XKR9: variants seen among roughly 807,000 people sequenced by gnomAD.
The protein encoded by XKR9 is XK related 9.
Under a neutral mutation model 32.0 loss-of-function variants are expected in XKR9, and 32 were observed. That is an observed-to-expected ratio of 1.00 (90% CI 0.76 to 1.34). The LOEUF is 1.34. Ranked by LOEUF, XKR9 falls within the 40% of genes most tolerant of loss-of-function variation. The pLI is 0.00. For synonymous variants in XKR9, 168 were observed against 143.4 expected (o/e 1.17, Z -1.22); for missense variants, 546 against 429.7 (o/e 1.27, Z -2.39).
chr8:71,021,913 C>G, the XKR9 span, among the ~76,000 whole-genome samples: 1 of 152,202 alleles, frequency 6.6e-6, no homozygotes, highest in Non-Finnish European at 1.5e-5. Context: ...TTTCCCAAGG[C>G]CAATGCCCAG....
chr8:70,755,923 A>G (rs1007109398), intron 2 of XKR9, among the ~76,000 whole-genome samples: 1 of 152,106 alleles, frequency 6.6e-6, no homozygotes, highest in Non-Finnish European at 1.5e-5. Flanking sequence ...TAATAATTAA[A>G]AAAAAGATTT....
At chr8:71,006,110 A>G in the XKR9 span, among the ~76,000 whole-genome samples, 1 of 152,366 alleles carries the variant, frequency 6.6e-6, no homozygotes, top group South Asian at 2.1e-4. Context: ...AGGCCAAATA[A>G]TTAATATGAA....
the XKR9 span, among the ~76,000 whole-genome samples, chr8:70,964,927 G>C: frequency 2.0e-5 from 3 of 152,092 alleles, no homozygotes; most frequent in Non-Finnish European, 1.5e-5. Flanking sequence ...CTTCCTATTT[G>C]AATACCTTTA....
chr8:70,882,292 A>G, the XKR9 span, among the ~76,000 whole-genome samples: 1 of 151,966 alleles, frequency 6.6e-6, no homozygotes, highest in Non-Finnish European at 1.5e-5. Context: ...ACTTTTATTT[A>G]CAAAAATATT....
the XKR9 span, among the ~76,000 whole-genome samples, chr8:70,896,957 C>T: frequency 1.3e-5 from 2 of 151,996 alleles, no homozygotes; most frequent in Admixed American, 6.6e-5. Flanking sequence ...GTTTTGCGAG[C>T]AAATACTAAA....
intron 3 of XKR9, among the ~76,000 whole-genome samples, chr8:70,691,938 A>G (rs1359515512): frequency 1.3e-5 from 2 of 151,856 alleles, no homozygotes; most frequent in African/African-American, 4.8e-5. Context: ...AATTTTTTCT[A>G]GTTTTGTGAG....
chr8:70,672,845 G>A (rs1026398020), intron 1 of XKR9, among the ~76,000 whole-genome samples: 1 of 152,026 alleles, frequency 6.6e-6, no homozygotes, highest in South Asian at 2.1e-4. Context: ...TATGTTTGTT[G>A]GCCATTTGTA....
the XKR9 span, among the ~76,000 whole-genome samples, chr8:71,060,186 G>T: frequency 6.6e-6 from 1 of 152,178 alleles, no homozygotes; most frequent in African/African-American, 2.4e-5. Flanking sequence ...CAAATCTAAA[G>T]ACAGTATTTG....
the XKR9 span, among the ~76,000 whole-genome samples, chr8:70,801,525 AGT>A: frequency 6.6e-6 from 1 of 152,106 alleles, no homozygotes; most frequent in Non-Finnish European, 1.5e-5. Context: ...GTGATCTGAG[AGT>A]GTGTTTGGCA....
At chr8:71,048,989 A>G in the XKR9 span, among the ~76,000 whole-genome samples, 1 of 152,244 alleles carries the variant, frequency 6.6e-6, no homozygotes, top group African/African-American at 2.4e-5. Flanking sequence ...TCTGGACTTA[A>G]GTGCTCATGT....
At chr8:70,836,421 A>T in the XKR9 span, among the ~76,000 whole-genome samples, 1 of 151,974 alleles carries the variant, frequency 6.6e-6, no homozygotes, top group Non-Finnish European at 1.5e-5. Flanking sequence ...TCAGTTCTAG[A>T]TATAGGAAGT....
At chr8:70,877,355 T>A in the XKR9 span, among the ~76,000 whole-genome samples, 1 of 152,222 alleles carries the variant, frequency 6.6e-6, no homozygotes, top group Non-Finnish European at 1.5e-5. Flanking sequence ...ATTTTTAATC[T>A]GCCAGACATT....
chr8:70,683,424 C>A, intron 3 of XKR9: 1 of 388,926 alleles, frequency 2.6e-6, no homozygotes, highest in Non-Finnish European at 5.0e-6. Context: ...TATGTTTACC[C>A]ATATATTTAT....
intron 4 of XKR9, among the ~76,000 whole-genome samples, chr8:70,714,437 G>C (rs1379212884): frequency 6.7e-6 from 1 of 150,356 alleles, no homozygotes; most frequent in Non-Finnish European, 1.5e-5. Flanking sequence ...TAAATTTGTG[G>C]CTTTGTACTC....
intron 4 of XKR9, among the ~76,000 whole-genome samples, chr8:70,711,293 A>G (rs1805911310): frequency 6.6e-6 from 1 of 152,216 alleles, no homozygotes; most frequent in Non-Finnish European, 1.5e-5. Context: ...GCAAAGGAAT[A>G]TAATTGTTAT....
the XKR9 span, among the ~76,000 whole-genome samples, chr8:70,897,660 T>G: frequency 6.6e-6 from 1 of 152,204 alleles, no homozygotes. Flanking sequence ...TATACTTATT[T>G]GCCATTTGTA....
chr8:71,064,121 A>T, the XKR9 span, among the ~76,000 whole-genome samples: 1 of 152,194 alleles, frequency 6.6e-6, no homozygotes, highest in Non-Finnish European at 1.5e-5. Flanking sequence ...TAGACATAAA[A>T]TCTTTAGAGA....
the XKR9 span, among the ~76,000 whole-genome samples, chr8:70,856,415 A>G: frequency 6.6e-6 from 1 of 152,302 alleles, no homozygotes; most frequent in Non-Finnish European, 1.5e-5. Flanking sequence ...TTCAACAAGA[A>G]GAGCTAACTA....
chr8:70,962,151 G>A, the XKR9 span, among the ~76,000 whole-genome samples: 1 of 151,926 alleles, frequency 6.6e-6, no homozygotes, highest in South Asian at 2.1e-4. Flanking sequence ...TATAACAAAG[G>A]TAGTTTACTG....
Sources: gnomAD v4.1 joint callset for allele counts (sites outside exome capture counted in the v4.1 genomes callset) on GRCh38, gnomAD v4.1.1 for gene constraint, MANE v1.5 for transcripts, NCBI Gene and HGNC (gene_info 2026-07-23, HGNC 2026-07-21) for gene names.